Variants in MBD6 observed in about 807,000 individuals in gnomAD.
MBD6 encodes methyl-CpG binding domain protein 6, also known as methyl-CpG-binding domain protein 6.
A neutral mutation model predicts 66.8 loss-of-function variants in MBD6; 22 were observed. That is an observed-to-expected ratio of 0.33 (90% CI 0.24 to 0.47). The LOEUF is 0.47. MBD6 is among the 20% of genes least tolerant of loss of function. The probability of loss-of-function intolerance (pLI) is 1.00; values close to 1 mark genes in which losing one functional copy is unlikely to be tolerated. For synonymous variants in MBD6, 540 were observed against 534.6 expected (o/e 1.01, Z -0.14); for missense variants, 1,322 against 1,286.9 (o/e 1.03, Z -0.42).
intron 5 of MBD6, 94 bp downstream of exon 5, chr12:57,525,209 A>G: frequency 1.3e-6 from 2 of 1,520,754 alleles, no homozygotes; most frequent in Non-Finnish European, 1.8e-6. Context: ...AGCAAAGAGA[A>G]AGGGGAGTGG....
chr12:57,530,879 A>G, downstream of MBD6: 1 of 1,012,824 alleles, frequency 9.9e-7, no homozygotes, highest in South Asian at 1.4e-5. Context: ...ATGGAAGCAC[A>G]ATTTGTGGGC....
chr12:57,529,332 G>A lies in MBD6; in HGVS notation c.*98G>A. The A allele has an allele frequency of 8.2e-7, 1 of 1,217,254 alleles. No individual in the cohort carries two copies. Among genetic ancestry groups the A allele is most frequent in the Non-Finnish European group, 1.2e-6 (1 of 840,134 alleles). 75.4% of individuals were successfully genotyped at this position (1,217,254 alleles called of 1,614,324 possible). On this transcript the variant is annotated 3_prime_UTR_variant, in exon 13 of 13. Transcript: ENST00000355673. Reference sequence around the variant, plus strand: ...CCACCTGCACCTGTGGACAGTGGGTGGGGGCACTACTCCCCACTCAGAGCA... The same window carrying A: ...CCACCTGCACCTGTGGACAGTGGGTAGGGGCACTACTCCCCACTCAGAGCA...
Position 57,528,309 on chromosome 12 carries a change from C to T in MBD6, c.2569C>T (p.Arg857Trp), listed in dbSNP as rs773001370. 3.9e-5 allele frequency: 62 copies of T among 1,605,586 alleles called. No individual in the cohort carries two copies. Among genetic ancestry groups the T allele is most frequent in the Non-Finnish European group, 4.2e-5 (49 of 1,175,688 alleles). ...GCTCACTGGGAGGGGGTCAGGGAAA[C>T]GGGGCCGGAGGGGAGGAGGGGGACT... ...ELLTGRGSGK[R>W]GRRGGGGLRG... The change falls in exon 10 of 13, where the codon CGG becomes TGG. Residue 857 changes from arginine to tryptophan, a missense_variant. Transcript: ENST00000355673.
In MBD6 at chr12:57,526,021, C is replaced by G; in HGVS notation, c.1053C>G (p.Pro351=). 6.2e-7 allele frequency: 1 copy of G among 1,614,046 alleles called. No homozygotes were observed. Among genetic ancestry groups the G allele is most frequent in the South Asian group, 1.1e-5 (1 of 91,084 alleles). Residue 351 remains proline, a synonymous_variant, in exon 6 of 13, where the codon CCC becomes CCG. Coordinates refer to ENST00000355673, the MANE Select transcript of MBD6 (RefSeq NM_052897.4). Reference sequence around the variant, plus strand: ...GCCGAAGGCCCCGTGCCCAGGCACCCTCAGCTTCCCACTCCTCATCACTTC... The same window carrying G: ...GCCGAAGGCCCCGTGCCCAGGCACCGTCAGCTTCCCACTCCTCATCACTTC... ...LQGRRPRAQA[P]SASHSSSLRP...
At position 57,529,830 on chromosome 12, in the gene MBD6, T is replaced by C. The variant is rs1467255509; in HGVS notation, c.*596T>C. On this transcript the variant is annotated 3_prime_UTR_variant, in exon 13 of 13. Coordinates refer to ENST00000355673, the MANE Select transcript of MBD6 (RefSeq NM_052897.4). Reference sequence around the variant, plus strand: ...AGGTGTAGCCAGGTTCCCCCGACTTTCCTCTGGGATATAAAAAAGGGGGTA... The same window carrying C: ...AGGTGTAGCCAGGTTCCCCCGACTTCCCTCTGGGATATAAAAAAGGGGGTA... The C allele has an allele frequency of 6.5e-6, 1 of 153,714 alleles. No homozygotes were observed. The highest frequency in any genetic ancestry group is 1.5e-5 in the Non-Finnish European group (1 of 68,926). 9.5% of individuals were successfully genotyped at this position (153,714 alleles called of 1,614,324 possible).
chr12:57,524,296 T>A lies in MBD6; in HGVS notation c.-8T>A. On this transcript the variant is annotated 5_prime_UTR_variant, in exon 3 of 13. Transcript: ENST00000355673. The stretch of plus-strand genomic sequence containing the variant: ...TGTTATCAGGCACGCGGGAGCTGAT[T>A]ACACACAATGAATGGGGGCAATGAG... The A allele has an allele frequency of 6.5e-7, 1 of 1,543,750 alleles. No individual in the cohort carries two copies. Among genetic ancestry groups the A allele is most frequent in the Non-Finnish European group, 8.7e-7 (1 of 1,145,884 alleles).
intron 1 of MBD6, among the ~76,000 whole-genome samples, chr12:57,523,688 C>G (rs1800557532): frequency 6.6e-6 from 1 of 152,190 alleles, no homozygotes; most frequent in Admixed American, 6.5e-5. Context: ...ACAACAGGAG[C>G]CAGACACTCT....
chr12:57,529,297 C>A lies in MBD6; in HGVS notation c.*63C>A. ...AGAGCTGAGTGCTGAGCCTTGGGAGCCCCTGCCAGCCACCTGCACCTGTGG... is the reference window on the plus strand; with the variant it reads ...AGAGCTGAGTGCTGAGCCTTGGGAGACCCTGCCAGCCACCTGCACCTGTGG... On this transcript the variant is annotated 3_prime_UTR_variant, in exon 13 of 13. Coordinates refer to ENST00000355673, the MANE Select transcript of MBD6 (RefSeq NM_052897.4). The A allele has an allele frequency of 6.4e-7, 1 of 1,560,986 alleles. No homozygotes were observed. The highest frequency in any genetic ancestry group is 8.8e-7 in the Non-Finnish European group (1 of 1,135,678).
At position 57,527,206 on chromosome 12, in the gene MBD6, C is replaced by T; in HGVS notation, c.2061C>T (p.Pro687=). The part of the protein sequence containing the change: ...NSALLAATLD[P]PSGTPPQPCV... ...CGCTGCTGGCTGCCACCCTGGATCC[C>T]CCCTCGGGGACACCCCCCCAGGTGA... is the stretch of plus-strand genomic sequence containing the variant. The change falls in exon 7 of 13, where the codon CCC becomes CCT. Residue 687 remains proline (P), a synonymous_variant. Coordinates refer to ENST00000355673, the MANE Select transcript of MBD6 (RefSeq NM_052897.4). 1 of 1,512,274 alleles carries T rather than the reference C, an allele frequency of 6.6e-7. No individual in the cohort carries two copies. 93.7% of individuals were successfully genotyped at this position (1,512,274 alleles called of 1,614,324 possible). A position where few individuals can be genotyped will look rare whatever the true frequency, so the allele number is the denominator to read the frequency against.
At position 57,528,967 on chromosome 12, in the gene MBD6, C is replaced by T. The variant is rs1385369316; in HGVS notation, c.2895C>T (p.Ser965=). The change falls in exon 12 of 13, where the codon AGC becomes AGT. Residue 965 remains serine, a synonymous_variant. Transcript: ENST00000355673. ...GCAGCCCTACCCGGAACAGCAATAG[C>T]TCCCGCCAGGACATTACCTTGGAAC... The part of the protein sequence containing the change: ...RKYNPTRNSN[S]SRQDITLEPS... 6.2e-7 allele frequency: 1 copy of T among 1,614,148 alleles called. No homozygotes were observed. Among genetic ancestry groups the T allele is most frequent in the Admixed American group, 1.7e-5 (1 of 60,020 alleles).
rs1878790707 is a variant in MBD6, at chr12:57,525,242, G to A, written c.380-106G>A. On this transcript the variant is annotated intron_variant, in intron 5 of 12. Transcript: ENST00000355673. ...TGGGTGGGGAGCTGCATGTTGAAAGGAGGGCACAGGGAGGTTGGGAACTTG... is the reference window on the plus strand; with the variant it reads ...TGGGTGGGGAGCTGCATGTTGAAAGAAGGGCACAGGGAGGTTGGGAACTTG... 5.4e-6 allele frequency: 8 copies of A among 1,483,022 alleles called. No homozygotes were observed. The South Asian group carries it at 7.9e-5, about 15-fold the overall frequency. The allele number at this position is 1,483,022 out of a possible 1,614,324, so 91.9% of individuals were successfully genotyped here.
At position 57,526,006 on chromosome 12, in the gene MBD6, C is replaced by T. The variant is rs751784921; in HGVS notation, c.1038C>T (p.Pro346=). 1.2e-6 allele frequency: 2 copies of T among 1,613,940 alleles called. No individual in the cohort carries two copies. The highest frequency in any genetic ancestry group is 2.2e-5 in the South Asian group (2 of 91,074). The change falls in exon 6 of 13, where the codon CCC becomes CCT. Residue 346 remains proline (P), a synonymous_variant. Coordinates refer to ENST00000355673, the MANE Select transcript of MBD6 (RefSeq NM_052897.4). ...PPPSTLQGRR[P]RAQAPSASHS... is the part of the protein sequence containing the mutation. Reference sequence around the variant, plus strand: ...CCAGCACTTTACAGGGCCGAAGGCCCCGTGCCCAGGCACCCTCAGCTTCCC... The same window carrying T: ...CCAGCACTTTACAGGGCCGAAGGCCTCGTGCCCAGGCACCCTCAGCTTCCC...
chr12:57,530,458 C>A, downstream of MBD6: 1 of 472,980 alleles, frequency 2.1e-6, no homozygotes, highest in African/African-American at 1.9e-5. Context: ...GGCCCACGTC[C>A]TTATCCCCCA....
In MBD6 at chr12:57,528,568, C is replaced by G. The variant is rs921034593; in HGVS notation, c.2820+8C>G. 1.2e-6 allele frequency: 2 copies of G among 1,610,518 alleles called. No homozygotes were observed. The highest frequency in any genetic ancestry group is 1.7e-6 in the Non-Finnish European group (2 of 1,177,992). ...CATTCTGAGGACCTTAAGGTGAGTG[C>G]AGAGTGCTGGTAGTCTGGGCTCAGG... On this transcript the variant is annotated splice_region_variant and intron_variant, in intron 10 of 12. Transcript: ENST00000355673.
In MBD6 at chr12:57,525,630, G is replaced by A. The variant is rs867867563; in HGVS notation, c.662G>A (p.Ser221Asn). 1.2e-6 allele frequency: 2 copies of A among 1,613,700 alleles called. No homozygotes were observed. The highest frequency in any genetic ancestry group is 2.2e-5 in the East Asian group (1 of 44,850). Residue 221 changes from serine to asparagine, a missense_variant, in exon 6 of 13, where the codon AGC becomes AAC. Coordinates refer to ENST00000355673, the MANE Select transcript of MBD6 (RefSeq NM_052897.4). ...SPAPPPPPAI[S>N]LNAPSYNWGA... ...GCCCCACCTCCTCCACCTGCTATCA[G>A]CCTCAATGCTCCCTCATACAACTGG...
chr12:57,524,893 G>A (rs574510175), intron 4 of MBD6, 60 bp from the exon 5 acceptor site: 1 of 1,608,406 alleles, frequency 6.2e-7, no homozygotes, highest in African/African-American at 1.3e-5. Flanking sequence ...ACTGACTGAG[G>A]TAGCCCTTCT....
rs1384823416 is a variant in MBD6, at chr12:57,526,575, C to T, written c.1430C>T (p.Ala477Val). ...CTCTCCTCTTTTACAGGTGCCCCTG[C>T]CCCACCAGCTGCCTCCAAAGCCCCA... Reference protein sequence around the residue: ...GSLSSVPGAPAPPAASKAPVV... With the variant: ...GSLSSVPGAPVPPAASKAPVV... The change falls in exon 7 of 13, where the codon GCC (alanine) becomes GTC (valine). Residue 477 changes from alanine to valine, a missense_variant. By Grantham distance (64) the Ala-to-Val change is moderately conservative (BLOSUM62 0). Transcript: ENST00000355673. 9 of 1,511,438 alleles carry T rather than the reference C, an allele frequency of 6.0e-6. No individual in the cohort carries two copies. The highest frequency in any genetic ancestry group is 2.3e-5 in the Admixed American group (1 of 43,558). 93.6% of individuals were successfully genotyped at this position (1,511,438 alleles called of 1,614,324 possible). A position where few individuals can be genotyped will look rare whatever the true frequency, so the allele number is the denominator to read the frequency against.
chr12:57,522,003 C>G (rs1878375640), upstream of MBD6: 1 of 129,854 alleles, frequency 7.7e-6, no homozygotes, highest in Non-Finnish European at 1.8e-5. Flanking sequence ...GGCAACTTGA[C>G]CAAAAGTAAA....
At chr12:57,527,448 A>G (rs1879078279) in intron 7 of MBD6, 59 bp from the exon 8 acceptor site, 1 of 1,576,248 alleles carries the variant, frequency 6.3e-7, no homozygotes, top group Non-Finnish European at 8.7e-7. Context: ...ATGTGAAAGC[A>G]CTATAAATCT....
Sources: allele counts gnomAD v4.1 joint callset (sites outside exome capture counted in the v4.1 genomes callset), GRCh38; gene constraint gnomAD v4.1.1; transcripts MANE v1.5; gene names NCBI Gene and HGNC (gene_info 2026-07-23, HGNC 2026-07-21).